The following TRABD2B variants were observed in gnomAD, a reference collection of about 807,000 sequenced individuals.
TRABD2B encodes the protein TraB domain containing 2B, also known as metalloprotease TIKI2.
In TRABD2B, 14 loss-of-function variants were observed where a neutral mutation model predicts 40.1. The ratio of observed to expected loss-of-function variants is 0.35; its 90% CI spans 0.23 to 0.55. The LOEUF (loss-of-function observed/expected upper bound fraction) is 0.55. Among genes scored for constraint, TRABD2B ranks in the 20% least tolerant of loss-of-function variants. TRABD2B has a pLI of 0.90. For synonymous variants in TRABD2B, 263 were observed against 277.0 expected, an observed-to-expected ratio of 0.95 and a Z score of 0.50; for missense variants, 541 against 648.6, an observed-to-expected ratio of 0.83 and a Z score of 1.80.
At chr1:47,949,323 T>A (rs1217471092) in intron 2 of TRABD2B, among the ~76,000 whole-genome samples, 3 of 151,868 alleles carry the variant, frequency 2.0e-5, no homozygotes, top group Admixed American at 1.3e-4. Flanking sequence ...CTGAAGCCTG[T>A]GAAGCCTGGT....
At chr1:47,852,301 A>G (rs775114458) in intron 2 of TRABD2B, among the ~76,000 whole-genome samples, 5 of 152,176 alleles carry the variant, frequency 3.3e-5, no homozygotes, top group African/African-American at 4.8e-5. Flanking sequence ...AGCCACACAC[A>G]TAAGGATTCT....
At chr1:47,930,589 C>T (rs1645027440) in intron 2 of TRABD2B, among the ~76,000 whole-genome samples, 1 of 152,226 alleles carries the variant, frequency 6.6e-6, no homozygotes. Context: ...GGCTGTGTGA[C>T]AGGAGACACA....
At chr1:47,875,335 T>C (rs1644208153) in intron 2 of TRABD2B, among the ~76,000 whole-genome samples, 1 of 150,994 alleles carries the variant, frequency 6.6e-6, no homozygotes, top group African/African-American at 2.4e-5. Context: ...CAACACTAGA[T>C]ATGCTGCCCT....
chr1:47,970,667 G>T (rs568154727), intron 2 of TRABD2B, among the ~76,000 whole-genome samples: 1 of 152,204 alleles, frequency 6.6e-6, no homozygotes, highest in African/African-American at 2.4e-5. Context: ...GTCAGCCGGG[G>T]GTTGGTTGAT....
intron 2 of TRABD2B, among the ~76,000 whole-genome samples, chr1:47,951,643 G>T (rs923957515): frequency 3.3e-5 from 5 of 152,156 alleles, no homozygotes; most frequent in African/African-American, 9.7e-5. Context: ...GGTAGAGAGG[G>T]TGGGGCAGCA....
chr1:47,789,852 T>C (rs1026266909), intron 4 of TRABD2B, among the ~76,000 whole-genome samples: 1 of 152,008 alleles, frequency 6.6e-6, no homozygotes, highest in East Asian at 1.9e-4. Context: ...GCTTATCATT[T>C]TTCCCCCCTC....
chr1:47,849,183 A>G (rs115401642), intron 2 of TRABD2B, among the ~76,000 whole-genome samples: 265 of 152,340 alleles, frequency 1.7e-3, no homozygotes, highest in African/African-American at 5.9e-3. Context: ...GTATTTGGAG[A>G]TAGGGCCTTT....
chr1:47,947,034 A>T (rs184218897), intron 2 of TRABD2B, among the ~76,000 whole-genome samples: 29 of 152,268 alleles, frequency 1.9e-4, no homozygotes, highest in Middle Eastern at 3.4e-3. Context: ...ACTCATATGA[A>T]CACCAAACCT....
intron 2 of TRABD2B, among the ~76,000 whole-genome samples, chr1:47,977,636 G>GCTA (rs1645776095): frequency 6.6e-6 from 1 of 150,740 alleles, no homozygotes. Flanking sequence ...TGACTGTCTA[G>GCTA]CTACTTCCTG....
intron 2 of TRABD2B, among the ~76,000 whole-genome samples, chr1:47,879,965 G>GCTTCA (rs1387244405): frequency 6.6e-6 from 1 of 152,172 alleles, no homozygotes; most frequent in Non-Finnish European, 1.5e-5. Flanking sequence ...AGTAACAACT[G>GCTTCA]CTTCACTCCT....
intron 2 of TRABD2B, among the ~76,000 whole-genome samples, chr1:47,901,411 G>A (rs1318037561): frequency 2.0e-5 from 3 of 152,226 alleles, no homozygotes; most frequent in Non-Finnish European, 4.4e-5. Flanking sequence ...TGGGACCACA[G>A]GGAAGCTCTT....
At chr1:47,968,128 G>A (rs1367437670) in intron 2 of TRABD2B, among the ~76,000 whole-genome samples, 1 of 152,190 alleles carries the variant, frequency 6.6e-6, no homozygotes, top group African/African-American at 2.4e-5. Flanking sequence ...ACCTACTAGA[G>A]ATACTTACAT....
intron 2 of TRABD2B, among the ~76,000 whole-genome samples, chr1:47,937,202 C>G (rs1645122097): frequency 6.6e-6 from 1 of 151,696 alleles, no homozygotes; most frequent in Non-Finnish European, 1.5e-5. Context: ...TCACCATCAT[C>G]ATCACCACTA....
chr1:47,798,984 G>A (rs1288134529), intron 3 of TRABD2B, among the ~76,000 whole-genome samples: 1 of 152,214 alleles, frequency 6.6e-6, no homozygotes, highest in Non-Finnish European at 1.5e-5. Flanking sequence ...GGGCAGCCTG[G>A]GTTGCTCTTC....
chr1:47,877,427 TC>T (rs963769472), intron 2 of TRABD2B, among the ~76,000 whole-genome samples: 1 of 152,102 alleles, frequency 6.6e-6, no homozygotes, highest in African/African-American at 2.4e-5. Flanking sequence ...GACAAATACA[TC>T]CGTGTCCTCC....
intron 2 of TRABD2B, among the ~76,000 whole-genome samples, chr1:47,924,966 A>G (rs1422597867): frequency 6.6e-6 from 1 of 152,210 alleles, no homozygotes; most frequent in Non-Finnish European, 1.5e-5. Flanking sequence ...GTGTGGGGCC[A>G]GGGTCAACTG....
At chr1:47,817,681 G>T (rs1189963322) in intron 2 of TRABD2B, among the ~76,000 whole-genome samples, 1 of 152,178 alleles carries the variant, frequency 6.6e-6, no homozygotes, top group Non-Finnish European at 1.5e-5. Flanking sequence ...CTGCTCCCAG[G>T]ACTGATATCT....
intron 2 of TRABD2B, among the ~76,000 whole-genome samples, chr1:47,886,620 C>T (rs1644374471): frequency 6.6e-6 from 1 of 152,236 alleles, no homozygotes; most frequent in South Asian, 2.1e-4. Flanking sequence ...TCCATGAGTC[C>T]CCCAACCCCT....
Position 47,810,159 on chromosome 1 carries a change from C to T in TRABD2B, c.667-8540G>A, listed in dbSNP as rs1193359025. On this transcript the variant is annotated intron_variant, in intron 2 of 6. Coordinates refer to ENST00000606738, the MANE Select transcript of TRABD2B (RefSeq NM_001194986.2). ...TAGGGTGTGTGTGTGTGTGTGCGCG[C>T]GCGCGCGCGCACGTGTGTGTGTTGG... Among the ~76,000 whole-genome samples, 7 of 147,700 alleles carry T rather than the reference C, an allele frequency of 4.7e-5. 1 individual carries two copies. In the South Asian group the frequency reaches 6.6e-4, roughly 14 times the overall value.
Sources: gnomAD v4.1 joint callset for allele counts (sites outside exome capture counted in the v4.1 genomes callset) on GRCh38, gnomAD v4.1.1 for gene constraint, MANE v1.5 for transcripts, NCBI Gene and HGNC (gene_info 2026-07-23, HGNC 2026-07-21) for gene names.